The following PHF24 variants were observed in gnomAD, a reference collection of about 807,000 sequenced individuals.
The protein encoded by PHF24 is PHD finger protein 24.
In PHF24, 25 loss-of-function variants were observed where a neutral mutation model predicts 42.6. That is an observed-to-expected ratio of 0.59 (90% CI 0.43 to 0.82). The LOEUF (loss-of-function observed/expected upper bound fraction) is 0.82, where lower values mean the gene tolerates loss of function less well. PHF24 is among the 40% of genes least tolerant of loss of function. The pLI, the probability that PHF24 is intolerant of heterozygous loss-of-function variation, is 0.00. For synonymous variants in PHF24, 185 were observed against 204.8 expected (o/e 0.90, Z 0.83); for missense variants, 470 against 538.1 (o/e 0.87, Z 1.25).
At chr9:34,797,222 T>C in the PHF24 span, among the ~76,000 whole-genome samples, 1 of 152,070 alleles carries the variant, frequency 6.6e-6, no homozygotes, top group Admixed American at 6.6e-5. Flanking sequence ...CAGTGTCTAG[T>C]GGTGAATGTT....
chr9:34,803,335 C>G, the PHF24 span, among the ~76,000 whole-genome samples: 1 of 151,634 alleles, frequency 6.6e-6, no homozygotes, highest in Non-Finnish European at 1.5e-5. Context: ...ATATCTTGAG[C>G]TATCAAGTCA....
At chr9:34,895,587 A>G in the PHF24 span, 1 of 398,848 alleles carries the variant, frequency 2.5e-6, no homozygotes, top group African/African-American at 2.1e-5. Context: ...ACCCGGCAAC[A>G]GCTCCTGTTA....
the PHF24 span, among the ~76,000 whole-genome samples, chr9:34,947,864 T>C: frequency 6.6e-6 from 1 of 152,120 alleles, no homozygotes; most frequent in African/African-American, 2.4e-5. Context: ...ATCCCAGCAC[T>C]TTGGGAGGCC....
chr9:34,931,308 G>A, the PHF24 span, among the ~76,000 whole-genome samples: 2 of 150,308 alleles, frequency 1.3e-5, no homozygotes, highest in African/African-American at 2.5e-5. Flanking sequence ...CCCGAGAGGC[G>A]GAGCTTGCAG....
the PHF24 span, among the ~76,000 whole-genome samples, chr9:34,716,806 C>A: frequency 6.6e-6 from 1 of 152,086 alleles, no homozygotes; most frequent in Admixed American, 6.6e-5. Flanking sequence ...GGGGGTTTCA[C>A]CATATTGCCC....
chr9:34,824,813 A>G, the PHF24 span, among the ~76,000 whole-genome samples: 930 of 152,300 alleles, frequency 6.1e-3, 9 homozygotes, highest in Non-Finnish European at 0.01. Flanking sequence ...TGGTCCAGCT[A>G]GGGAAGGTAG....
intron 1 of PHF24, among the ~76,000 whole-genome samples, chr9:34,960,041 G>A (rs917314927): frequency 2.0e-5 from 3 of 152,188 alleles, no homozygotes; most frequent in Non-Finnish European, 2.9e-5. Flanking sequence ...GTCTGTTAGG[G>A]GGAGCGCAAA....
the PHF24 span, among the ~76,000 whole-genome samples, chr9:34,912,916 T>C: frequency 6.6e-6 from 1 of 152,206 alleles, no homozygotes; most frequent in East Asian, 1.9e-4. Context: ...GTGGCTATTA[T>C]GTGCATCTTC....
chr9:34,846,313 T>A, the PHF24 span, among the ~76,000 whole-genome samples: 505 of 152,216 alleles, frequency 3.3e-3, 1 homozygote, highest in South Asian at 0.017. Flanking sequence ...AGATGGTATC[T>A]CATTGTGGTT....
At chr9:34,732,956 T>C in the PHF24 span, among the ~76,000 whole-genome samples, 1 of 152,188 alleles carries the variant, frequency 6.6e-6, no homozygotes, top group Non-Finnish European at 1.5e-5. Context: ...TTCTTTAAAG[T>C]TTTTTTGTTC....
the PHF24 span, among the ~76,000 whole-genome samples, chr9:34,750,211 C>A: frequency 6.6e-5 from 10 of 152,090 alleles, no homozygotes; most frequent in Non-Finnish European, 1.0e-4. Flanking sequence ...AACAACTTTT[C>A]AAGACATAGT....
At chr9:34,899,036 C>T in the PHF24 span, among the ~76,000 whole-genome samples, 1 of 152,212 alleles carries the variant, frequency 6.6e-6, no homozygotes, top group Non-Finnish European at 1.5e-5. Context: ...GTTTGGGGCT[C>T]ATCGACAAGG....
the PHF24 span, among the ~76,000 whole-genome samples, chr9:34,798,436 G>A: frequency 6.6e-6 from 1 of 152,232 alleles, no homozygotes; most frequent in Non-Finnish European, 1.5e-5. Context: ...TCAATGTTTA[G>A]CACCCACTTA....
the PHF24 span, among the ~76,000 whole-genome samples, chr9:34,764,798 T>C: frequency 6.6e-6 from 1 of 152,166 alleles, no homozygotes; most frequent in Admixed American, 6.5e-5. Context: ...TGTTAGGGTG[T>C]CCATTTTGGA....
intron 2 of PHF24, 83 bp downstream of exon 2, chr9:34,971,759 C>T: frequency 2.1e-6 from 3 of 1,451,198 alleles, no homozygotes; most frequent in Non-Finnish European, 2.8e-6. Flanking sequence ...GTAAGGTGAT[C>T]CTCAAAACCG....
the PHF24 span, among the ~76,000 whole-genome samples, chr9:34,670,453 G>C: frequency 1.3e-5 from 2 of 152,114 alleles, no homozygotes; most frequent in African/African-American, 2.4e-5. Context: ...TCCATGAGTT[G>C]GTAGCAGAAT....
At chr9:34,921,314 C>T in the PHF24 span, among the ~76,000 whole-genome samples, 4 of 150,840 alleles carry the variant, frequency 2.7e-5, no homozygotes, top group African/African-American at 4.9e-5. Context: ...AAGTTATTTC[C>T]GTGTTAACTA....
At chr9:34,893,091 G>C in the PHF24 span, 10 of 924,518 alleles carry the variant, frequency 1.1e-5, no homozygotes, top group East Asian at 2.7e-4. Context: ...TTGCAGATTT[G>C]GCAGCAGGGG....
chr9:34,717,049 A>G, the PHF24 span, among the ~76,000 whole-genome samples: 1 of 152,194 alleles, frequency 6.6e-6, no homozygotes, highest in Non-Finnish European at 1.5e-5. Context: ...CCCTGCAGCT[A>G]TGATCCAGCT....
Sources: gnomAD v4.1 joint callset for allele counts (sites outside exome capture counted in the v4.1 genomes callset) on GRCh38, gnomAD v4.1.1 for gene constraint, MANE v1.5 for transcripts, NCBI Gene and HGNC (gene_info 2026-07-23, HGNC 2026-07-21) for gene names.